ADAMTS17: variants seen among roughly 807,000 people sequenced by gnomAD.
ADAMTS17 encodes the protein A disintegrin and metalloproteinase with thrombospondin motifs 17.
In ADAMTS17, 113 loss-of-function variants were observed where a neutral mutation model predicts 141.5. That is an observed-to-expected ratio of 0.80 (90% CI 0.69 to 0.93). ADAMTS17 has a LOEUF of 0.93. ADAMTS17 is among the 40% of genes least tolerant of loss of function. The probability of loss-of-function intolerance (pLI) is 0.00; values close to 1 mark genes in which losing one functional copy is unlikely to be tolerated. For missense variants in ADAMTS17, 1,659 were observed against 1,517.9 expected (o/e 1.09, Z -1.54); for synonymous variants, 768 against 630.6 (o/e 1.22, Z -3.27).
At chr15:100,302,017 A>G (rs1000414665) in intron 3 of ADAMTS17, among the ~76,000 whole-genome samples, 16 of 152,206 alleles carry the variant, frequency 1.1e-4, no homozygotes, top group South Asian at 8.3e-4. Context: ...CATTTTTAGA[A>G]CAGTTGCATC....
At chr15:100,059,322 G>A (rs2141640807) in intron 15 of ADAMTS17, among the ~76,000 whole-genome samples, 1 of 152,380 alleles carries the variant, frequency 6.6e-6, no homozygotes, top group East Asian at 1.9e-4. Context: ...CACTGCAAAT[G>A]CAGCTTTCCA....
At chr15:100,179,067 AT>A (rs1304389092) in intron 8 of ADAMTS17, among the ~76,000 whole-genome samples, 1 of 152,164 alleles carries the variant, frequency 6.6e-6, no homozygotes, top group Non-Finnish European at 1.5e-5. Flanking sequence ...CAAACGGGGT[AT>A]CATCATCTCC....
chr15:100,108,869 T>C (rs2036568617), intron 14 of ADAMTS17, 120 bp downstream of exon 14: 1 of 1,561,230 alleles, frequency 6.4e-7, no homozygotes, highest in Non-Finnish European at 8.7e-7. Flanking sequence ...ACTGGGTGCC[T>C]TCCTAAGAAA....
intron 18 of ADAMTS17, among the ~76,000 whole-genome samples, chr15:100,022,448 G>A (rs879942095): frequency 3.9e-5 from 6 of 152,132 alleles, no homozygotes; most frequent in Admixed American, 3.9e-4. Flanking sequence ...AGTGACAGTG[G>A]GATAAGTCTA....
chr15:100,337,658 C>T (rs1242530683), intron 2 of ADAMTS17, among the ~76,000 whole-genome samples: 3 of 152,228 alleles, frequency 2.0e-5, no homozygotes, highest in Admixed American at 2.0e-4. Context: ...GGGTGGCCTT[C>T]CCAAGCTTTG....
At chr15:100,229,850 A>T (rs765542317) in intron 7 of ADAMTS17, among the ~76,000 whole-genome samples, 3 of 152,244 alleles carry the variant, frequency 2.0e-5, no homozygotes, top group Non-Finnish European at 4.4e-5. Context: ...TCCAGTGAGC[A>T]GGTGGACACA....
chr15:100,070,916 G>A (rs2033922817), intron 15 of ADAMTS17, among the ~76,000 whole-genome samples: 1 of 149,950 alleles, frequency 6.7e-6, no homozygotes, highest in Non-Finnish European at 1.5e-5. Context: ...AGGAAATAGA[G>A]ACACAAAAAA....
intron 18 of ADAMTS17, among the ~76,000 whole-genome samples, chr15:100,042,945 G>C (rs2031380779): frequency 6.6e-6 from 1 of 152,142 alleles, no homozygotes; most frequent in African/African-American, 2.4e-5. Flanking sequence ...ATATATATAT[G>C]TATATGGTGC....
intron 18 of ADAMTS17, among the ~76,000 whole-genome samples, chr15:99,999,520 C>T (rs147060470): frequency 1.5e-3 from 224 of 147,834 alleles, no homozygotes; most frequent in African/African-American, 5.0e-3. Context: ...GGCACGCTGG[C>T]GGGGTGGAGG....
chr15:100,044,982 A>G (rs1242183757), intron 18 of ADAMTS17, among the ~76,000 whole-genome samples: 1 of 151,778 alleles, frequency 6.6e-6, no homozygotes, highest in Non-Finnish European at 1.5e-5. Flanking sequence ...TAATTTTTGT[A>G]TTTTTAGTAG....
chr15:99,986,242 C>T (rs1022303438), intron 20 of ADAMTS17, among the ~76,000 whole-genome samples: 50 of 152,216 alleles, frequency 3.3e-4, no homozygotes, highest in East Asian at 3.8e-4. Context: ...ACTACCCTCT[C>T]GCGTGATACA....
At chr15:100,036,926 T>C (rs2030778342) in intron 18 of ADAMTS17, among the ~76,000 whole-genome samples, 1 of 152,238 alleles carries the variant, frequency 6.6e-6, no homozygotes, top group Non-Finnish European at 1.5e-5. Context: ...CTGAATAATA[T>C]TGCGCTGCCT....
chr15:100,122,226 T>C (rs1208582383), intron 12 of ADAMTS17, among the ~76,000 whole-genome samples: 1 of 152,196 alleles, frequency 6.6e-6, no homozygotes, highest in Non-Finnish European at 1.5e-5. Flanking sequence ...CTTTACCTCT[T>C]AGTAAGTTCC....
chr15:100,296,337 T>C (rs1021578951), intron 3 of ADAMTS17, among the ~76,000 whole-genome samples: 1 of 152,148 alleles, frequency 6.6e-6, no homozygotes, highest in Admixed American at 6.5e-5. Context: ...TGGCTCCACA[T>C]GTGCAGAACT....
intron 15 of ADAMTS17, among the ~76,000 whole-genome samples, chr15:100,078,780 A>G (rs904301700): frequency 3.3e-5 from 5 of 152,224 alleles, no homozygotes; most frequent in African/African-American, 7.2e-5. Flanking sequence ...GTGAAAAGCC[A>G]ACTCATACAC....
At chr15:99,992,759 G>A (rs1343427817) in intron 20 of ADAMTS17, among the ~76,000 whole-genome samples, 1 of 152,196 alleles carries the variant, frequency 6.6e-6, no homozygotes. Context: ...TGGCATCCAG[G>A]GCACCCGCGT....
intron 7 of ADAMTS17, among the ~76,000 whole-genome samples, chr15:100,212,554 CACTAA>C (rs2041841973): frequency 6.6e-6 from 1 of 151,972 alleles, no homozygotes; most frequent in Non-Finnish European, 1.5e-5. Context: ...AGGTTAAAAA[CACTAA>C]ACACAGGAAT....
chr15:100,165,887 CT>C (rs549434365), intron 8 of ADAMTS17, among the ~76,000 whole-genome samples: 1 of 152,082 alleles, frequency 6.6e-6, no homozygotes, highest in East Asian at 1.9e-4. Flanking sequence ...TCCTTTCTCT[CT>C]TTTTTGTTTT....
At chr15:100,017,213 C>T (rs1012128893) in intron 18 of ADAMTS17, among the ~76,000 whole-genome samples, 51 of 152,214 alleles carry the variant, frequency 3.4e-4, no homozygotes, top group Non-Finnish European at 7.3e-5. Flanking sequence ...TCACTCGCAA[C>T]GTGCCCCCTC....
Sources: allele counts gnomAD v4.1 joint callset (sites outside exome capture counted in the v4.1 genomes callset), GRCh38; gene constraint gnomAD v4.1.1; transcripts MANE v1.5; gene names NCBI Gene and HGNC (gene_info 2026-07-23, HGNC 2026-07-21).